The following MTMR3 variants were observed in gnomAD, a reference collection of about 807,000 sequenced individuals.
MTMR3 encodes the protein myotubularin related protein 3.
In MTMR3, 32 loss-of-function variants were observed where a neutral mutation model predicts 132.4. The observed-to-expected ratio is 0.24, with a 90% CI of 0.18 to 0.32. The LOEUF is 0.32. MTMR3 is among the 10% of genes least tolerant of loss of function. The pLI is 1.00. For synonymous variants in MTMR3, 556 were observed against 550.3 expected, an observed-to-expected ratio of 1.01 and a Z score of -0.14; for missense variants, 1,216 against 1,489.6, an observed-to-expected ratio of 0.82 and a Z score of 3.02.
chr22:29,961,836 G>A (rs1338308626), intron 2 of MTMR3, among the ~76,000 whole-genome samples: 1 of 152,112 alleles, frequency 6.6e-6, no homozygotes, highest in Admixed American at 6.5e-5. Flanking sequence ...TTAATCTTTT[G>A]TATCATTTTT....
intron 12 of MTMR3, chr22:30,009,816 A>G (rs2067366867): frequency 6.6e-6 from 1 of 152,240 alleles, no homozygotes; most frequent in African/African-American, 2.4e-5. Flanking sequence ...CTATTTCAGG[A>G]AGCCAGAGAT....
In MTMR3 at chr22:30,019,697, G is replaced by T. The variant is rs1335638885; in HGVS notation, c.2038G>T (p.Val680Phe). 1 of 1,614,184 alleles carries T rather than the reference G, an allele frequency of 6.2e-7. No individual in the cohort carries two copies. The highest frequency in any genetic ancestry group is 1.1e-5 in the South Asian group (1 of 91,082). Residue 680 changes from valine (V) to phenylalanine (F), a missense_variant, in exon 17 of 20, where the codon GTT becomes TTT. Physicochemically the swap from Val to Phe is conservative, Grantham distance 50. Transcript: ENST00000401950. Reference protein sequence around the residue: ...TRVPGGAELSVAAGVAEGQME... With the variant: ...TRVPGGAELSFAAGVAEGQME... ...AGTGCCGGGGGGTGCCGAGCTTTCTGTTGCAGCCGGAGTAGCTGAGGGGCA... is the reference window on the plus strand; with the variant it reads ...AGTGCCGGGGGGTGCCGAGCTTTCTTTTGCAGCCGGAGTAGCTGAGGGGCA...
intron 1 of MTMR3, among the ~76,000 whole-genome samples, chr22:29,954,255 A>T (rs550897710): frequency 1.3e-5 from 2 of 151,220 alleles, no homozygotes; most frequent in South Asian, 2.1e-4. Flanking sequence ...CTAATTAAAA[A>T]ATTTTATTTT....
intron 1 of MTMR3, among the ~76,000 whole-genome samples, chr22:29,911,360 G>A (rs1336883379): frequency 6.6e-6 from 1 of 151,970 alleles, no homozygotes; most frequent in Non-Finnish European, 1.5e-5. Context: ...CCTGGGCAAC[G>A]TAGGGAGACT....
intron 1 of MTMR3, among the ~76,000 whole-genome samples, chr22:29,951,622 A>AT (rs1288983763): frequency 6.6e-6 from 1 of 152,196 alleles, no homozygotes; most frequent in African/African-American, 2.4e-5. Context: ...AAGACGAGTG[A>AT]TTTTTAAGCA....
In MTMR3 at chr22:30,019,566, G is replaced by A; in HGVS notation, c.1907G>A (p.Ser636Asn). ...GCCAGCCGGCGCTGCAGCGACCCCAGCCTGAACGAGAAGTGGCAGGAGCAC... is the reference window on the plus strand; with the variant it reads ...GCCAGCCGGCGCTGCAGCGACCCCAACCTGAACGAGAAGTGGCAGGAGCAC... ...PLASRRCSDP[S>N]LNEKWQEHRR... Residue 636 changes from serine (S) to asparagine (N), a missense_variant, in exon 17 of 20, where the codon AGC becomes AAC. Physicochemically the swap from Ser to Asn is conservative, Grantham distance 46. This residue lies in a region of MTMR3 where 852 missense variants were observed against 852.0 expected (regional missense o/e 1.00). Transcript: ENST00000401950. 6.2e-7 allele frequency: 1 copy of A among 1,613,774 alleles called. No individual in the cohort carries two copies. The highest frequency in any genetic ancestry group is 8.5e-7 in the Non-Finnish European group (1 of 1,180,042).
rs765158504 is a variant in MTMR3 at position 30,022,703 on chromosome 22, A to G, written c.3425+6A>G. ...AGCAGGAAGCACCACTGCAGGTACCATTGAGGGGCTGTGGTAGGGTGGGCT... is the reference window on the plus strand; with the variant it reads ...AGCAGGAAGCACCACTGCAGGTACCGTTGAGGGGCTGTGGTAGGGTGGGCT... On this transcript the variant is annotated splice_donor_region_variant and intron_variant, in intron 19 of 19. Transcript: ENST00000401950. The G allele has an allele frequency of 6.2e-7, 1 of 1,604,270 alleles. No individual in the cohort carries two copies. The highest frequency in any genetic ancestry group is 1.7e-5 in the Admixed American group (1 of 59,926).
At chr22:29,992,247 A>AT (rs1555913279) in intron 7 of MTMR3, 1 of 152,194 alleles carries the variant, frequency 6.6e-6, no homozygotes, top group Non-Finnish European at 1.5e-5. Flanking sequence ...TGCCCGGCTA[A>AT]TTTTTTATTT....
At chr22:29,978,229 C>T (rs958592140) in intron 3 of MTMR3, 6 of 397,674 alleles carry the variant, frequency 1.5e-5, no homozygotes, top group Non-Finnish European at 2.8e-5. Context: ...ACCTCTTTGA[C>T]ATTTTTTTTG....
chr22:29,907,734 C>A (rs1293071259), intron 1 of MTMR3, among the ~76,000 whole-genome samples: 5 of 152,176 alleles, frequency 3.3e-5, no homozygotes, highest in Non-Finnish European at 7.4e-5. Context: ...TTGTATTATT[C>A]ATTCCCTCTC....
intron 1 of MTMR3, among the ~76,000 whole-genome samples, chr22:29,944,338 G>A (rs773066333): frequency 2.0e-5 from 3 of 151,864 alleles, no homozygotes; most frequent in Non-Finnish European, 4.4e-5. Flanking sequence ...ACTTGTCATT[G>A]TCCTAGGGGA....
rs1300714586 is a variant in MTMR3 at position 30,016,605 on chromosome 22, G to A, written c.1581G>A (p.Lys527=). 1.2e-6 allele frequency: 2 copies of A among 1,614,186 alleles called. No homozygotes were observed. The highest frequency in any genetic ancestry group is 1.7e-6 in the Non-Finnish European group (2 of 1,180,036). The stretch of plus-strand genomic sequence containing the variant: ...ACAACGCCAAGGAGAGAGGGGAAAA[G>A]CATACTCAGGAACGGACATGTTCCG... ...LCNNAKERGE[K]HTQERTCSVW... is the part of the protein sequence containing the mutation. The change falls in exon 15 of 20, where the codon AAG becomes AAA. Residue 527 remains lysine (K), a synonymous_variant. Transcript: ENST00000401950.
At chr22:30,018,360 G>T in intron 16 of MTMR3, 1 of 344,836 alleles carries the variant, frequency 2.9e-6, no homozygotes. Context: ...CCCCTGGTTT[G>T]TGTTTTCCCC....
At chr22:29,920,981 T>TGGGGGGGGGGG (rs150260217) in intron 1 of MTMR3, among the ~76,000 whole-genome samples, 2 of 81,094 alleles carry the variant, frequency 2.5e-5, no homozygotes, top group Non-Finnish European at 4.3e-5. Context: ...TAGGGGGTGG[T>TGGGGGGGGGGG]GGGGGTGGCG....
chr22:29,978,218 A>G (rs2066668001), intron 3 of MTMR3: 1 of 378,966 alleles, frequency 2.6e-6, no homozygotes. Context: ...GAAATATTCT[A>G]ACCTCTTTGA....
intron 1 of MTMR3, among the ~76,000 whole-genome samples, chr22:29,943,152 G>A (rs919813186): frequency 5.9e-5 from 9 of 152,080 alleles, no homozygotes; most frequent in South Asian, 2.1e-4. Flanking sequence ...CCCTCCGTTC[G>A]GGGTCCCTGA....
intron 8 of MTMR3, chr22:30,002,574 C>A: frequency 4.6e-6 from 1 of 218,292 alleles, no homozygotes; most frequent in Non-Finnish European, 9.2e-6. Context: ...CCCTTTTTTT[C>A]ATTGATAGTT....
In MTMR3 at chr22:30,016,524, A is replaced by G. The variant is rs768663210; in HGVS notation, c.1504-4A>G. ...TTAATTTGTGCTTCATTGGACTTCC[A>G]TAGGTGAAACTGGTGCAGCATACCT... On this transcript the variant is annotated splice_region_variant and splice_polypyrimidine_tract_variant and intron_variant, in intron 14 of 19. Transcript: ENST00000401950. The G allele has an allele frequency of 2.2e-5, 35 of 1,613,074 alleles. No individual in the cohort carries two copies. In the South Asian group the frequency reaches 3.5e-4, roughly 16 times the overall value.
At chr22:29,963,120 A>T (rs2066345704) in intron 2 of MTMR3, among the ~76,000 whole-genome samples, 1 of 150,994 alleles carries the variant, frequency 6.6e-6, no homozygotes, top group Non-Finnish European at 1.5e-5. Context: ...TTCTTTTATT[A>T]TTATTTTATA....
Sources: gnomAD v4.1 joint callset for allele counts (sites outside exome capture counted in the v4.1 genomes callset) on GRCh38, gnomAD v4.1.1 for gene constraint, gnomAD v4.1.1 regional missense constraint, MANE v1.5 for transcripts, NCBI Gene and HGNC (gene_info 2026-07-23, HGNC 2026-07-21) for gene names.